IGF2BP3: variants seen among roughly 807,000 people sequenced by gnomAD.
IGF2BP3 encodes insulin like growth factor 2 mRNA binding protein 3.
A neutral mutation model predicts 73.8 loss-of-function variants in IGF2BP3; 9 were observed. The ratio of observed to expected loss-of-function variants is 0.12; its 90% CI spans 0.07 to 0.21. The LOEUF is 0.21. Ranked by LOEUF, IGF2BP3 falls within the 10% of genes least tolerant of loss-of-function variation. The pLI is 1.00. For missense variants in IGF2BP3, 542 were observed against 714.0 expected, an observed-to-expected ratio of 0.76 and a Z score of 2.75; for synonymous variants, 258 against 256.7, an observed-to-expected ratio of 1.01 and a Z score of -0.05.
At chr7:23,348,125 T>C (rs960811513) in intron 6 of IGF2BP3, among the ~76,000 whole-genome samples, 2 of 152,212 alleles carry the variant, frequency 1.3e-5, no homozygotes, top group African/African-American at 4.8e-5. Context: ...CAAGTTGAAC[T>C]GCTTATTCTG....
chr7:23,392,142 T>C (rs1205956695), intron 3 of IGF2BP3, among the ~76,000 whole-genome samples: 3 of 152,162 alleles, frequency 2.0e-5, no homozygotes, highest in Non-Finnish European at 4.4e-5. Context: ...GAGACTACTC[T>C]TCTCTGCATT....
chr7:23,417,760 T>A (rs1446462371), intron 3 of IGF2BP3, among the ~76,000 whole-genome samples: 1 of 152,230 alleles, frequency 6.6e-6, no homozygotes, highest in African/African-American at 2.4e-5. Context: ...ATTCCCTAAA[T>A]AAATGTTAAT....
chr7:23,412,702 T>G (rs1359249511), intron 3 of IGF2BP3, among the ~76,000 whole-genome samples: 1 of 152,174 alleles, frequency 6.6e-6, no homozygotes, highest in East Asian at 1.9e-4. Context: ...TAAGGTCTTA[T>G]GCTTCACTTC....
chr7:23,359,091 TC>T (rs1463155516), intron 5 of IGF2BP3, among the ~76,000 whole-genome samples: 3 of 152,362 alleles, frequency 2.0e-5, no homozygotes, highest in Non-Finnish European at 4.4e-5. Flanking sequence ...GCCTTTTCCT[TC>T]CTCCTTGGGA....
chr7:23,375,688 T>C (rs867266416), intron 3 of IGF2BP3, among the ~76,000 whole-genome samples: 1 of 152,234 alleles, frequency 6.6e-6, no homozygotes, highest in Non-Finnish European at 1.5e-5. Flanking sequence ...AATGAGGTGA[T>C]AAATGTCCAC....
At chr7:23,356,959 C>T (rs894759372) in intron 5 of IGF2BP3, among the ~76,000 whole-genome samples, 1 of 152,106 alleles carries the variant, frequency 6.6e-6, no homozygotes, top group African/African-American at 2.4e-5. Context: ...AGTATAAATA[C>T]ACTGAATGAA....
chr7:23,443,220 G>A (rs900876246), intron 2 of IGF2BP3, among the ~76,000 whole-genome samples: 3 of 146,342 alleles, frequency 2.0e-5, no homozygotes, highest in African/African-American at 7.7e-5. Context: ...CCGCCTCCCA[G>A]GTTCAAGCGA....
At chr7:23,434,473 C>A (rs1281363504) in intron 2 of IGF2BP3, among the ~76,000 whole-genome samples, 1 of 152,130 alleles carries the variant, frequency 6.6e-6, no homozygotes, top group Non-Finnish European at 1.5e-5. Context: ...TTAATGTTTT[C>A]TACAAGTAGG....
At chr7:23,458,795 G>A (rs985898196) in intron 2 of IGF2BP3, among the ~76,000 whole-genome samples, 7 of 152,322 alleles carry the variant, frequency 4.6e-5, no homozygotes, top group Admixed American at 3.9e-4. Context: ...AAATAAAGAA[G>A]ATAAATCAAC....
chr7:23,389,416 T>TC (rs1004771983), intron 3 of IGF2BP3, among the ~76,000 whole-genome samples: 1 of 152,054 alleles, frequency 6.6e-6, no homozygotes, highest in Non-Finnish European at 1.5e-5. Flanking sequence ...CACCTCAGCC[T>TC]CCCAAAGTGC....
intron 3 of IGF2BP3, among the ~76,000 whole-genome samples, chr7:23,372,893 C>T (rs1562708652): frequency 6.6e-6 from 1 of 152,176 alleles, no homozygotes. Context: ...GATGGGCAAG[C>T]TGCAGCACAG....
chr7:23,312,118 T>TC lies in IGF2BP3; in HGVS notation c.*243dup. The TC allele has an allele frequency of 3.9e-6, 1 of 255,774 alleles. No homozygotes were observed. Among genetic ancestry groups the TC allele is most frequent in the Non-Finnish European group, 7.6e-6 (1 of 131,122 alleles). 15.8% of individuals were successfully genotyped at this position (255,774 alleles called of 1,614,324 possible). A position where few individuals can be genotyped will look rare whatever the true frequency, so the allele number is the denominator to read the frequency against. ...TGCAGAGCTCTTCTCTTTCCCTCCC[T>TC]CCCCCACCCTTTTTTTGTTTGTTTG... is the stretch of plus-strand genomic sequence containing the variant. On this transcript the variant is annotated 3_prime_UTR_variant, in exon 15 of 15. Coordinates refer to ENST00000258729, the MANE Select transcript of IGF2BP3 (RefSeq NM_006547.3).
chr7:23,388,723 C>T (rs772432960), intron 3 of IGF2BP3, among the ~76,000 whole-genome samples: 10 of 150,378 alleles, frequency 6.6e-5, no homozygotes, highest in African/African-American at 1.2e-4. Flanking sequence ...TCTGATTAGG[C>T]TTCTTTCTGC....
intron 3 of IGF2BP3, among the ~76,000 whole-genome samples, chr7:23,385,417 C>G (rs919082817): frequency 9.2e-5 from 14 of 152,264 alleles, no homozygotes; most frequent in Non-Finnish European, 1.8e-4. Flanking sequence ...GATCCTAAGA[C>G]TAGAAATTCA....
chr7:23,348,260 G>A (rs1784880200), intron 6 of IGF2BP3, among the ~76,000 whole-genome samples: 2 of 152,332 alleles, frequency 1.3e-5, no homozygotes, highest in Non-Finnish European at 2.9e-5. Context: ...TGATAGGAAT[G>A]GAACCTGGAC....
intron 5 of IGF2BP3, 46 bp from the exon 6 acceptor site, chr7:23,351,632 A>C (rs769045440): frequency 6.3e-7 from 1 of 1,599,570 alleles, no homozygotes; most frequent in Middle Eastern, 1.7e-4. Context: ...ATCAGGCTAT[A>C]TGACACATCT....
At chr7:23,443,656 G>C (rs1160767840) in intron 2 of IGF2BP3, among the ~76,000 whole-genome samples, 1 of 151,998 alleles carries the variant, frequency 6.6e-6, no homozygotes, top group Non-Finnish European at 1.5e-5. Context: ...CTGGGCTACA[G>C]AGTGAGATTC....
At chr7:23,314,041 A>T (rs1169335702) in intron 12 of IGF2BP3, among the ~76,000 whole-genome samples, 1 of 152,122 alleles carries the variant, frequency 6.6e-6, no homozygotes, top group Non-Finnish European at 1.5e-5. Context: ...TTTTTGTTGG[A>T]GTCAGGGTCC....
intron 3 of IGF2BP3, among the ~76,000 whole-genome samples, chr7:23,368,355 G>GAA (rs1430014694): frequency 2.7e-5 from 4 of 147,468 alleles, no homozygotes; most frequent in African/African-American, 7.9e-5. Context: ...AAGAAAGAAA[G>GAA]AAAGAAAGAA....
Sources: gnomAD v4.1 joint callset for allele counts (sites outside exome capture counted in the v4.1 genomes callset) on GRCh38, gnomAD v4.1.1 for gene constraint, MANE v1.5 for transcripts, NCBI Gene and HGNC (gene_info 2026-07-23, HGNC 2026-07-21) for gene names.